DDX10: variants seen among roughly 807,000 people sequenced by gnomAD.
DDX10 encodes DEAD-box helicase 10.
A neutral mutation model predicts 104.3 loss-of-function variants in DDX10; 74 were observed. The observed-to-expected ratio is 0.71, with a 90% CI of 0.59 to 0.86. The LOEUF (loss-of-function observed/expected upper bound fraction) is 0.86. DDX10 is among the 40% of genes least tolerant of loss of function. The probability of loss-of-function intolerance (pLI) is 0.00; values close to 1 mark genes in which losing one functional copy is unlikely to be tolerated. For missense variants in DDX10, 952 were observed against 1,040.0 expected, an observed-to-expected ratio of 0.92 and a Z score of 1.16; for synonymous variants, 351 against 353.4, an observed-to-expected ratio of 0.99 and a Z score of 0.08.
Position 108,728,504 on chromosome 11 carries a change from C to CTTTTTTT in DDX10, c.1965+5063_1965+5069dup, listed in dbSNP as rs71050884. On this transcript the variant is annotated intron_variant, in intron 13 of 17. Transcript: ENST00000322536. ...TTTTAAGTATACATACACATTTGTT[C>CTTTTTTT]TTTTTTTTTTTTTTTTTTTTTTTTT... Among the ~76,000 whole-genome samples the CTTTTTTT allele has an allele frequency of 3.3e-4, 40 of 121,808 alleles. 7 individuals carry two copies. The highest frequency in any genetic ancestry group is 1.6e-3 in the African/African-American group (39 of 24,420). The allele number at this position is 121,808 out of a possible 152,430, so 79.9% of individuals were successfully genotyped here. A position where few individuals can be genotyped will look rare whatever the true frequency, so the allele number is the denominator to read the frequency against.
intron 16 of DDX10, among the ~76,000 whole-genome samples, chr11:108,886,474 T>C (rs959336722): frequency 1.3e-5 from 2 of 152,212 alleles, no homozygotes; most frequent in Non-Finnish European, 2.9e-5. Context: ...TCATTCTTCA[T>C]ACCAGATTTT....
chr11:108,823,173 T>A (rs1342890060), intron 13 of DDX10, among the ~76,000 whole-genome samples: 3 of 152,242 alleles, frequency 2.0e-5, no homozygotes, highest in East Asian at 3.8e-4. Flanking sequence ...ACAAATGGTA[T>A]GTATAAGAAT....
At chr11:108,880,983 AT>A (rs978534646) in intron 16 of DDX10, among the ~76,000 whole-genome samples, 1 of 152,182 alleles carries the variant, frequency 6.6e-6, no homozygotes, top group Admixed American at 6.5e-5. Context: ...AGTACCACAT[AT>A]TTATAGACAG....
intron 16 of DDX10, among the ~76,000 whole-genome samples, chr11:108,875,262 T>C (rs1265251003): frequency 6.6e-6 from 1 of 152,192 alleles, no homozygotes; most frequent in African/African-American, 2.4e-5. Flanking sequence ...AAAGTTCTAA[T>C]ACATGTATTT....
chr11:108,839,994 A>G (rs1862615323), intron 14 of DDX10, among the ~76,000 whole-genome samples: 1 of 152,196 alleles, frequency 6.6e-6, no homozygotes, highest in Non-Finnish European at 1.5e-5. Context: ...GCTAATAGGA[A>G]ATGTTTGTGG....
At chr11:108,923,035 T>C (rs1863855388) in intron 17 of DDX10, among the ~76,000 whole-genome samples, 1 of 152,230 alleles carries the variant, frequency 6.6e-6, no homozygotes. Flanking sequence ...CCATCTTATA[T>C]ATTGGTATAG....
At chr11:108,785,783 C>T (rs1024643016) in intron 13 of DDX10, among the ~76,000 whole-genome samples, 7 of 152,022 alleles carry the variant, frequency 4.6e-5, no homozygotes, top group Non-Finnish European at 1.0e-4. Flanking sequence ...ATCTTTGTCA[C>T]TTCCGATTGT....
At chr11:108,863,712 A>G (rs1862969872) in intron 16 of DDX10, among the ~76,000 whole-genome samples, 1 of 152,116 alleles carries the variant, frequency 6.6e-6, no homozygotes, top group Non-Finnish European at 1.5e-5. Flanking sequence ...TTTTTGCCCC[A>G]CTCAGTAGAG....
chr11:108,730,315 T>C lies in DDX10; in HGVS notation c.1965+6853T>C, dbSNP rs371323631. ...ACTAGGACCTAGACAGGTTTTCCCT[T>C]ATGACTGAAAGTCTCGTAGAAAAGT... is the stretch of plus-strand genomic sequence containing the variant. On this transcript the variant is annotated intron_variant, in intron 13 of 17. Coordinates refer to ENST00000322536, the MANE Select transcript of DDX10 (RefSeq NM_004398.4). Among the ~76,000 whole-genome samples the C allele has an allele frequency of 1.6e-4, 24 of 152,336 alleles. No individual in the cohort carries two copies. The East Asian group carries it at 3.7e-3, about 23-fold the overall frequency.
At chr11:108,746,978 A>G (rs1261581142) in intron 13 of DDX10, among the ~76,000 whole-genome samples, 2 of 152,168 alleles carry the variant, frequency 1.3e-5, no homozygotes, top group African/African-American at 4.8e-5. Context: ...CAAGAATTGT[A>G]GTTATAAGGG....
At chr11:108,774,605 T>C (rs2094367464) in intron 13 of DDX10, among the ~76,000 whole-genome samples, 1 of 152,134 alleles carries the variant, frequency 6.6e-6, no homozygotes, top group Admixed American at 6.5e-5. Context: ...TTAGAGAACA[T>C]TGTTTGGCAT....
At chr11:108,705,341 A>T (rs916892759) in intron 9 of DDX10, among the ~76,000 whole-genome samples, 4 of 151,990 alleles carry the variant, frequency 2.6e-5, no homozygotes, top group African/African-American at 9.7e-5. Flanking sequence ...GCCTAGGGGG[A>T]CAGCTTTAAA....
chr11:108,822,918 A>G (rs114616543), intron 13 of DDX10, among the ~76,000 whole-genome samples: 1,620 of 152,300 alleles, frequency 0.011, 28 homozygotes, highest in African/African-American at 0.037. Flanking sequence ...TTTGGCTAAG[A>G]TGAAATATAA....
At chr11:108,720,394 C>A (rs912747968) in intron 12 of DDX10, among the ~76,000 whole-genome samples, 2 of 152,112 alleles carry the variant, frequency 1.3e-5, no homozygotes, top group African/African-American at 4.8e-5. Flanking sequence ...ACATTTTATG[C>A]TTTGAATGTG....
At chr11:108,910,858 G>T (rs143074354) in intron 16 of DDX10, among the ~76,000 whole-genome samples, 1 of 151,778 alleles carries the variant, frequency 6.6e-6, no homozygotes, top group Non-Finnish European at 1.5e-5. Flanking sequence ...GAGCAGGCTG[G>T]AAGGGTGGAG....
intron 13 of DDX10, among the ~76,000 whole-genome samples, chr11:108,790,994 A>G (rs1291867244): frequency 1.3e-5 from 2 of 152,230 alleles, no homozygotes; most frequent in Non-Finnish European, 2.9e-5. Context: ...CATCTCACAC[A>G]TTCTACTTTA....
At chr11:108,788,919 A>G (rs1332085647) in intron 13 of DDX10, among the ~76,000 whole-genome samples, 3 of 152,194 alleles carry the variant, frequency 2.0e-5, no homozygotes, top group Admixed American at 6.5e-5. Flanking sequence ...AGCCCTGTCC[A>G]GTCACTGGCT....
At chr11:108,710,092 G>A (rs142180793) in intron 10 of DDX10, among the ~76,000 whole-genome samples, 24 of 152,266 alleles carry the variant, frequency 1.6e-4, no homozygotes, top group African/African-American at 5.1e-4. Flanking sequence ...AAAAGGCACA[G>A]TAAAAATACA....
At chr11:108,680,877 G>A (rs1210644734) in intron 6 of DDX10, among the ~76,000 whole-genome samples, 6 of 152,138 alleles carry the variant, frequency 3.9e-5, no homozygotes, top group Admixed American at 3.9e-4. Context: ...GTGATCTTGG[G>A]GAATCTGAGT....
Sources: allele counts gnomAD v4.1 joint callset (sites outside exome capture counted in the v4.1 genomes callset), GRCh38; gene constraint gnomAD v4.1.1; transcripts MANE v1.5; gene names NCBI Gene and HGNC (gene_info 2026-07-23, HGNC 2026-07-21).